PRR16: variants seen among roughly 807,000 people sequenced by gnomAD.
The protein encoded by PRR16 is proline rich 16, also known as protein Largen.
PRR16 carries 6 observed loss-of-function variants against 18.2 expected under a neutral mutation model. That is an observed-to-expected ratio of 0.33 (90% CI 0.18 to 0.65). The LOEUF (loss-of-function observed/expected upper bound fraction) is 0.65. Ranked by LOEUF, PRR16 falls within the 30% of genes least tolerant of loss-of-function variation. The pLI is 0.74. For synonymous variants in PRR16, 151 were observed against 147.8 expected, an observed-to-expected ratio of 1.02 and a Z score of -0.16; for missense variants, 412 against 376.6, an observed-to-expected ratio of 1.09 and a Z score of -0.78.
chr5:120,472,701 GT>G (rs1749307893), intron 1 of PRR16, among the ~76,000 whole-genome samples: 1 of 152,120 alleles, frequency 6.6e-6, no homozygotes, highest in Non-Finnish European at 1.5e-5. Context: ...ACTGATGGCT[GT>G]GGTTTGATGT....
At chr5:120,754,583 ATATT>A in the PRR16 span, among the ~76,000 whole-genome samples, 1 of 100,602 alleles carries the variant, frequency 9.9e-6, no homozygotes, top group Non-Finnish European at 1.9e-5. Flanking sequence ...TATATTTTAT[ATATT>A]ATATATAATA....
At chr5:120,475,727 A>G (rs904868801) in intron 1 of PRR16, among the ~76,000 whole-genome samples, 3 of 152,002 alleles carry the variant, frequency 2.0e-5, no homozygotes, top group East Asian at 1.9e-4. Context: ...ACAGAAAAAG[A>G]CTCTGCCTCA....
At chr5:120,706,953 G>A in the PRR16 span, among the ~76,000 whole-genome samples, 1 of 152,060 alleles carries the variant, frequency 6.6e-6, no homozygotes, top group African/African-American at 2.4e-5. Context: ...TGGGATATAG[G>A]GACATTATAC....
chr5:120,661,099 G>C (rs1193028324), intron 1 of PRR16, among the ~76,000 whole-genome samples: 1 of 152,086 alleles, frequency 6.6e-6, no homozygotes, highest in Non-Finnish European at 1.5e-5. Context: ...ATTGAATGTT[G>C]CTACAGTCTC....
intron 1 of PRR16, among the ~76,000 whole-genome samples, chr5:120,518,539 G>T (rs986017843): frequency 6.6e-6 from 1 of 151,188 alleles, no homozygotes; most frequent in Non-Finnish European, 1.5e-5. Context: ...GTGTTTGTGA[G>T]TTGAAAGGCT....
intron 1 of PRR16, among the ~76,000 whole-genome samples, chr5:120,465,168 G>A (rs980464861): frequency 6.6e-6 from 1 of 152,168 alleles, no homozygotes; most frequent in Non-Finnish European, 1.5e-5. Flanking sequence ...CCTGTCTCTC[G>A]AGCCTCGCTG....
chr5:120,754,426 A>AATAT, the PRR16 span, among the ~76,000 whole-genome samples: 3 of 89,184 alleles, frequency 3.4e-5, no homozygotes, highest in East Asian at 3.6e-4. Flanking sequence ...TATATTATAT[A>AATAT]ATATATAGTA....
At chr5:120,526,170 G>A (rs1751339754) in intron 1 of PRR16, among the ~76,000 whole-genome samples, 1 of 151,894 alleles carries the variant, frequency 6.6e-6, no homozygotes, top group Non-Finnish European at 1.5e-5. Context: ...AGGTACTGTG[G>A]GTCTGGATAA....
At chr5:120,792,268 G>A in the PRR16 span, among the ~76,000 whole-genome samples, 3 of 152,282 alleles carry the variant, frequency 2.0e-5, no homozygotes, top group Non-Finnish European at 2.9e-5. Flanking sequence ...CTGCTCTTCA[G>A]CAGGATAACT....
the PRR16 span, among the ~76,000 whole-genome samples, chr5:120,753,311 A>G: frequency 1.3e-5 from 2 of 152,082 alleles, no homozygotes; most frequent in African/African-American, 4.8e-5. Context: ...AGGGTTGGAA[A>G]TAAGACCACA....
rs554928752 is a variant in PRR16 at position 120,660,970 on chromosome 5, T to C, written c.160-24984T>C. Among the ~76,000 whole-genome samples, 275 of 152,256 alleles carry C rather than the reference T, an allele frequency of 1.8e-3. 2 individuals carry two copies. Among genetic ancestry groups the C allele is most frequent in the Admixed American group, 4.1e-3 (62 of 15,264 alleles). On this transcript the variant is annotated intron_variant, in intron 1 of 1. Coordinates refer to ENST00000407149, the MANE Select transcript of PRR16 (RefSeq NM_001300783.2). ...AAGAAATGTTTGAGATTTTGTAATC[T>C]GTGTTTTCTTAGATCTTTGAGAGTT...
intron 1 of PRR16, among the ~76,000 whole-genome samples, chr5:120,632,718 G>T (rs764662105): frequency 5.9e-5 from 9 of 152,134 alleles, no homozygotes; most frequent in Non-Finnish European, 8.8e-5. Context: ...AAGCCTCCAA[G>T]AAGTTTGGGA....
intron 1 of PRR16, among the ~76,000 whole-genome samples, chr5:120,639,898 A>G (rs1276088604): frequency 6.6e-6 from 1 of 152,068 alleles, no homozygotes; most frequent in Non-Finnish European, 1.5e-5. Context: ...CTAGATGTCC[A>G]TCAACATTGC....
At chr5:120,775,240 T>C in the PRR16 span, among the ~76,000 whole-genome samples, 1 of 152,316 alleles carries the variant, frequency 6.6e-6, no homozygotes, top group Admixed American at 6.5e-5. Context: ...TTATTTTGCA[T>C]AATAGCATAT....
chr5:120,686,495 A>G lies in PRR16; in HGVS notation c.701A>G (p.His234Arg). 1 of 1,613,870 alleles carries G rather than the reference A, an allele frequency of 6.2e-7. No individual in the cohort carries two copies. Among genetic ancestry groups the G allele is most frequent in the Non-Finnish European group, 8.5e-7 (1 of 1,179,816 alleles). Residue 234 changes from histidine to arginine, a missense_variant, in exon 2 of 2, where the codon CAC (histidine) becomes CGC (arginine). His to Arg is a conservative substitution (Grantham distance 29). Coordinates refer to ENST00000407149, the MANE Select transcript of PRR16 (RefSeq NM_001300783.2). ...YNIKNREVHL[H>R]SEPVHPPGKI... ...ATAAAAAACAGGGAGGTCCACTTAC[A>G]CAGTGAACCTGTCCACCCACCGGGA...
the PRR16 span, among the ~76,000 whole-genome samples, chr5:120,700,388 A>G: frequency 2.6e-5 from 4 of 152,052 alleles, no homozygotes; most frequent in African/African-American, 9.7e-5. Flanking sequence ...TGAGGGGTGC[A>G]TGATCGGTCG....
At chr5:120,747,308 C>T in the PRR16 span, among the ~76,000 whole-genome samples, 1 of 152,274 alleles carries the variant, frequency 6.6e-6, no homozygotes, top group East Asian at 1.9e-4. Context: ...ATGCTTCATA[C>T]ATTCAAGTTT....
At chr5:120,513,145 C>T (rs1372902219) in intron 1 of PRR16, among the ~76,000 whole-genome samples, 1 of 152,152 alleles carries the variant, frequency 6.6e-6, no homozygotes, top group African/African-American at 2.4e-5. Flanking sequence ...TGGATTTAAC[C>T]GGTTGTGGCT....
chr5:120,561,974 A>G (rs1752588881), intron 1 of PRR16, among the ~76,000 whole-genome samples: 1 of 152,174 alleles, frequency 6.6e-6, no homozygotes, highest in East Asian at 1.9e-4. Context: ...ACAGACTAAT[A>G]TAATATAATA....
Sources: gnomAD v4.1 joint callset for allele counts (sites outside exome capture counted in the v4.1 genomes callset) on GRCh38, gnomAD v4.1.1 for gene constraint, MANE v1.5 for transcripts, NCBI Gene and HGNC (gene_info 2026-07-23, HGNC 2026-07-21) for gene names.